The following CA5A variants were observed in gnomAD, a reference collection of about 807,000 sequenced individuals.
The protein encoded by CA5A is carbonic anhydrase 5A, mitochondrial.
In CA5A, 28 loss-of-function variants were observed where a neutral mutation model predicts 37.1. The ratio of observed to expected loss-of-function variants is 0.75; its 90% CI spans 0.56 to 1.03. The LOEUF (loss-of-function observed/expected upper bound fraction) is 1.03. Among genes scored for constraint, CA5A ranks in the 50% least tolerant of loss-of-function variants. CA5A has a pLI of 0.00. For synonymous variants in CA5A, 171 were observed against 158.4 expected, an observed-to-expected ratio of 1.08 and a Z score of -0.60; for missense variants, 444 against 399.9, an observed-to-expected ratio of 1.11 and a Z score of -0.94.
chr16:87,926,705 C>A (rs757444587), intron 2 of CA5A, 43 bp downstream of exon 2: 2 of 1,515,556 alleles, frequency 1.3e-6, no homozygotes, highest in African/African-American at 2.7e-5. Context: ...GCTGCCAGAA[C>A]AACGGGAGAG....
chr16:87,885,670 C>G (rs1183369362), downstream of CA5A: 3 of 152,406 alleles, frequency 2.0e-5, no homozygotes, highest in Non-Finnish European at 4.4e-5. Context: ...CACCCCTGCA[C>G]TTGGCTGCCC....
chr16:87,901,914 T>A lies in CA5A; in HGVS notation c.616A>T (p.Lys206Ter). ...CTGATTTCAAATATGCAGCTTACCT[T>A]ATGTTTTATTTCCGGCAAGATGTCC... ...LVDILPEIKH[K>*]DARAAMRPFD... Residue 206 changes from lysine (K) to a stop codon, truncating the protein, a stop_gained and splice_region_variant, in exon 5 of 7, where the codon AAG becomes TAG. Coordinates refer to ENST00000649794, the MANE Select transcript of CA5A (RefSeq NM_001739.2). LOFTEE classifies it high-confidence loss of function. 6.2e-7 allele frequency: 1 copy of A among 1,612,640 alleles called. No individual in the cohort carries two copies. The highest frequency in any genetic ancestry group is 1.7e-4 in the Middle Eastern group (1 of 6,052).
Position 87,913,664 on chromosome 16 carries a change from CTCT to C in CA5A, c.341-8763_341-8761del, listed in dbSNP as rs746673593. On this transcript the variant is annotated intron_variant, in intron 2 of 6. Transcript: ENST00000649794. The stretch of plus-strand genomic sequence containing the variant: ...GTGTCTGTGCCGTGGCCCCCCCCTC[CTCT>C]CCAATACGAAGAGCCCACACTCAGC... Among the ~76,000 whole-genome samples, 126 of 139,962 alleles carry C rather than the reference CTCT, an allele frequency of 9.0e-4. 1 individual carries two copies. Among genetic ancestry groups the C allele is most frequent in the South Asian group, 1.3e-3 (6 of 4,690 alleles). The allele number at this position is 139,962 out of a possible 152,430, so 91.8% of individuals were successfully genotyped here.
intron 2 of CA5A, among the ~76,000 whole-genome samples, chr16:87,907,414 C>T (rs4843276): frequency 6.6e-6 from 1 of 151,926 alleles, no homozygotes; most frequent in Admixed American, 6.6e-5. Context: ...GAGGGTGGAG[C>T]CTCCCAGGGG....
chr16:87,896,851 G>A (rs906610508), intron 5 of CA5A, among the ~76,000 whole-genome samples: 1 of 152,162 alleles, frequency 6.6e-6, no homozygotes, highest in South Asian at 2.1e-4. Context: ...TGTTGGTCAG[G>A]CTCGTCTCAA....
intron 2 of CA5A, among the ~76,000 whole-genome samples, chr16:87,909,750 C>G (rs555878728): frequency 1.3e-4 from 20 of 152,276 alleles, no homozygotes; most frequent in Middle Eastern, 3.4e-3. Flanking sequence ...CTGTAAATTC[C>G]GAAATTAGAC....
chr16:87,892,509 CAAA>C (rs1237342400), intron 5 of CA5A, among the ~76,000 whole-genome samples: 6 of 91,006 alleles, frequency 6.6e-5, no homozygotes. Context: ...GACTCTGTCT[CAAA>C]TAATAATAAT....
chr16:87,892,226 T>C, intron 5 of CA5A: 1 of 309,816 alleles, frequency 3.2e-6, no homozygotes, highest in Non-Finnish European at 5.9e-6. Context: ...TTGAAGTCAT[T>C]TCTTGGGGCG....
chr16:87,890,644 G>A (rs1425353142), intron 6 of CA5A, among the ~76,000 whole-genome samples: 2 of 152,100 alleles, frequency 1.3e-5, no homozygotes, highest in African/African-American at 4.8e-5. Context: ...GAGGCAGAGT[G>A]TCACTCTGTC....
At chr16:87,910,157 G>A (rs1320170792) in intron 2 of CA5A, among the ~76,000 whole-genome samples, 1 of 152,218 alleles carries the variant, frequency 6.6e-6, no homozygotes, top group African/African-American at 2.4e-5. Flanking sequence ...AGCTGATTAA[G>A]GGGCAAAGGC....
chr16:87,926,582 A>G (rs979059732), intron 2 of CA5A, among the ~76,000 whole-genome samples, 166 bp downstream of exon 2: 1 of 152,158 alleles, frequency 6.6e-6, no homozygotes, highest in Non-Finnish European at 1.5e-5. Context: ...GAACCTTCAC[A>G]CCATCCCCCA....
chr16:87,891,762 A>G (rs554125341), intron 6 of CA5A, 37 bp downstream of exon 6: 6 of 1,454,442 alleles, frequency 4.1e-6, no homozygotes, highest in Admixed American at 5.9e-5. Flanking sequence ...GACGCCTTCC[A>G]TGAAGCGCCA....
chr16:87,932,430 G>A (rs190968026), intron 1 of CA5A, among the ~76,000 whole-genome samples: 109 of 152,202 alleles, frequency 7.2e-4, no homozygotes, highest in African/African-American at 2.6e-3. Flanking sequence ...TGAAACACCC[G>A]CATTGAACTC....
At chr16:87,921,731 AC>A (rs2056233233) in intron 2 of CA5A, among the ~76,000 whole-genome samples, 1 of 152,234 alleles carries the variant, frequency 6.6e-6, no homozygotes, top group Non-Finnish European at 1.5e-5. Context: ...AGATGCCCTT[AC>A]AAAGCCACGG....
intron 1 of CA5A, among the ~76,000 whole-genome samples, chr16:87,931,300 C>G (rs554985402): frequency 1.3e-4 from 19 of 151,662 alleles, no homozygotes; most frequent in African/African-American, 4.6e-4. Flanking sequence ...TTAGTAGAGA[C>G]GGGGTTTCAC....
At chr16:87,886,134 C>A (rs1446908742), downstream of CA5A, 1 of 145,976 alleles carries the variant, frequency 6.9e-6, no homozygotes, top group Non-Finnish European at 1.5e-5. Context: ...ACATTGAGTT[C>A]TGGATCAAGT....
intron 4 of CA5A, chr16:87,881,986 T>C (rs2055611581): frequency 6.6e-6 from 1 of 152,260 alleles, no homozygotes; most frequent in Admixed American, 6.5e-5. Context: ...CCTGCTTCTC[T>C]TGGTGTCTTG....
intron 1 of CA5A, among the ~76,000 whole-genome samples, chr16:87,929,758 G>A (rs189805910): frequency 4.7e-5 from 7 of 150,444 alleles, no homozygotes; most frequent in Admixed American, 1.3e-4. Context: ...TGTAGTCCCA[G>A]CTACTCGGGA....
chr16:87,932,700 G>C (rs1253207960), intron 1 of CA5A, among the ~76,000 whole-genome samples: 3 of 151,964 alleles, frequency 2.0e-5, no homozygotes, highest in Non-Finnish European at 2.9e-5. Flanking sequence ...AAGACGCCAA[G>C]TCCCCTGCCC....
Sources: gnomAD v4.1 joint callset for allele counts (sites outside exome capture counted in the v4.1 genomes callset) on GRCh38, gnomAD v4.1.1 for gene constraint, MANE v1.5 for transcripts, NCBI Gene and HGNC (gene_info 2026-07-23, HGNC 2026-07-21) for gene names.